The following RASGRF1 variants were observed in gnomAD, a reference collection of about 807,000 sequenced individuals.
RASGRF1 encodes the protein Ras protein specific guanine nucleotide releasing factor 1, also known as ras-specific guanine nucleotide-releasing factor 1.
In RASGRF1, 40 loss-of-function variants were observed where a neutral mutation model predicts 138.7. That is an observed-to-expected ratio of 0.29 (90% CI 0.22 to 0.38). The LOEUF is 0.38. Among genes scored for constraint, RASGRF1 ranks in the 10% least tolerant of loss-of-function variants. RASGRF1 has a pLI of 1.00. For synonymous variants in RASGRF1, 614 were observed against 663.2 expected, an observed-to-expected ratio of 0.93 and a Z score of 1.14; for missense variants, 1,108 against 1,650.4, an observed-to-expected ratio of 0.67 and a Z score of 5.69.
intron 1 of RASGRF1, among the ~76,000 whole-genome samples, chr15:79,078,406 C>A (rs1230339201): frequency 2.6e-5 from 4 of 152,328 alleles, no homozygotes; most frequent in African/African-American, 9.6e-5. Context: ...CCAGCCCTGG[C>A]TGCACGTGCT....
chr15:79,037,042 G>A (rs936126818), intron 5 of RASGRF1, among the ~76,000 whole-genome samples: 3 of 152,122 alleles, frequency 2.0e-5, no homozygotes, highest in African/African-American at 7.2e-5. Context: ...GTCCCTCCAG[G>A]TATAGCAACT....
At chr15:79,030,994 CTCT>C (rs2057127935) in intron 8 of RASGRF1, among the ~76,000 whole-genome samples, 1 of 152,214 alleles carries the variant, frequency 6.6e-6, no homozygotes, top group African/African-American at 2.4e-5. Context: ...CACTACCTGC[CTCT>C]GGTTAACTAG....
At chr15:79,031,938 G>A (rs541368253) in intron 7 of RASGRF1, among the ~76,000 whole-genome samples, 185 bp downstream of exon 7, 5 of 152,226 alleles carry the variant, frequency 3.3e-5, no homozygotes, top group African/African-American at 4.8e-5. Flanking sequence ...GAAAGGTGGC[G>A]TGGACAGGCC....
intron 21 of RASGRF1, among the ~76,000 whole-genome samples, chr15:78,990,597 T>C (rs2056249058): frequency 6.6e-6 from 1 of 150,590 alleles, no homozygotes; most frequent in South Asian, 2.1e-4. Context: ...GGAAATAATT[T>C]GTTATGAATC....
At chr15:79,077,903 A>C (rs1009055798) in intron 1 of RASGRF1, among the ~76,000 whole-genome samples, 1 of 4,738 alleles carries the variant, frequency 2.1e-4, no homozygotes, top group African/African-American at 1.1e-3. Context: ...CTCTGAGAGA[A>C]GGGGTGGGTG....
chr15:79,020,497 C>T (rs1463810575), intron 10 of RASGRF1, among the ~76,000 whole-genome samples: 1 of 152,186 alleles, frequency 6.6e-6, no homozygotes, highest in East Asian at 1.9e-4. Flanking sequence ...TATCAGGTTA[C>T]CCACAGGAAG....
intron 1 of RASGRF1, among the ~76,000 whole-genome samples, chr15:79,088,674 G>C (rs1208292846): frequency 6.6e-6 from 1 of 152,190 alleles, no homozygotes; most frequent in Non-Finnish European, 1.5e-5. Flanking sequence ...GCTGGGGCTT[G>C]GGCTGCAGGC....
intron 1 of RASGRF1, among the ~76,000 whole-genome samples, chr15:79,082,587 C>T (rs767233549): frequency 5.9e-5 from 9 of 152,170 alleles, no homozygotes; most frequent in Non-Finnish European, 1.0e-4. Flanking sequence ...GAGGCCACTG[C>T]GTAAGATGAG....
intron 2 of RASGRF1, among the ~76,000 whole-genome samples, chr15:79,059,061 C>T (rs1289394462): frequency 1.3e-5 from 2 of 152,144 alleles, no homozygotes; most frequent in Admixed American, 1.3e-4. Flanking sequence ...GGCTGCTCTG[C>T]TAACCTCCCT....
At chr15:79,078,986 A>G (rs1305145720) in intron 1 of RASGRF1, among the ~76,000 whole-genome samples, 5 of 152,228 alleles carry the variant, frequency 3.3e-5, no homozygotes, top group Non-Finnish European at 7.3e-5. Context: ...AGATTCAGGA[A>G]GTGACTGCAA....
rs755938292 is a variant in RASGRF1 at position 78,971,934 on chromosome 15, T to C, written c.3613A>G (p.Ile1205Val). Residue 1205 changes from isoleucine (I) to valine (V), a missense_variant and splice_region_variant, in exon 26 of 27, where the codon ATA (isoleucine) becomes GTA (valine). Physicochemically the swap from Ile to Val is conservative, Grantham distance 29 (BLOSUM62 3). Coordinates refer to ENST00000558480, the MANE Select transcript of RASGRF1 (RefSeq NM_001145648.3). ...CGAATCTCTCGGATAATATGGGATA[T>C]CTGTGGGAAGGAAGGAGTGTTTCAG... ...GLVNFSKMRM[I>V]SHIIREIRQF... The C allele has an allele frequency of 4.4e-6, 7 of 1,577,508 alleles. No individual in the cohort carries two copies. Among genetic ancestry groups the C allele is most frequent in the Non-Finnish European group, 6.1e-6 (7 of 1,146,750 alleles).
In RASGRF1 at chr15:79,006,875, G is replaced by C. The variant is rs1391519045; in HGVS notation, c.1827-441C>G. Among the ~76,000 whole-genome samples, 1 of 152,136 alleles carries C rather than the reference G, an allele frequency of 6.6e-6. No individual in the cohort carries two copies. The highest frequency in any genetic ancestry group is 6.5e-5 in the Admixed American group (1 of 15,278). ...AAAAATACAAAAGTTAGCTAGGTGT[G>C]GTGGCCCATACCTGTAATACCAGTT... On this transcript the variant is annotated intron_variant, in intron 13 of 26. Coordinates refer to ENST00000558480, the MANE Select transcript of RASGRF1 (RefSeq NM_001145648.3). The surrounding 1 kb of genome is among the most constrained non-coding windows in gnomAD (Gnocchi z 4.0).
intron 24 of RASGRF1, chr15:78,978,306 C>T: frequency 6.5e-6 from 1 of 154,094 alleles, no homozygotes; most frequent in Non-Finnish European, 1.3e-5. Context: ...CTCGCTGCAA[C>T]TTCTGCCTCC....
intron 10 of RASGRF1, among the ~76,000 whole-genome samples, chr15:79,024,070 C>T (rs909846745): frequency 3.0e-4 from 46 of 151,012 alleles, no homozygotes; most frequent in Middle Eastern, 3.4e-3. Context: ...CATACACACA[C>T]ATATACACAC....
At chr15:79,058,738 C>T (rs757193506) in intron 2 of RASGRF1, among the ~76,000 whole-genome samples, 1 of 152,196 alleles carries the variant, frequency 6.6e-6, no homozygotes, top group African/African-American at 2.4e-5. Flanking sequence ...TTCTTGTTCC[C>T]ACCCACTTTT....
intron 1 of RASGRF1, among the ~76,000 whole-genome samples, chr15:79,065,604 AG>A (rs2057669288): frequency 6.6e-6 from 1 of 151,824 alleles, no homozygotes; most frequent in Non-Finnish European, 1.5e-5. Context: ...TTCGTCGGAG[AG>A]AGAGGGCAGA....
rs1178189618 is a variant in RASGRF1 at position 79,006,264 on chromosome 15, C to T, written c.1997G>A (p.Arg666His). The change falls in exon 14 of 27, where the codon CGC (arginine) becomes CAC (histidine). Residue 666 changes from arginine (R) to histidine (H), a missense_variant. Around this residue, in one of 3 missense-constraint regions of RASGRF1, gnomAD observed 686 missense variants for 976.7 expected, o/e 0.70. Coordinates refer to ENST00000558480, the MANE Select transcript of RASGRF1 (RefSeq NM_001145648.3). The surrounding 1 kb of genome is among the most constrained non-coding windows in gnomAD (Gnocchi z 4.0). ...DFLNTFLHSYRVFTTAIVVLD... is the reference protein window; with the variant it reads ...DFLNTFLHSYHVFTTAIVVLD... Reference sequence around the variant, plus strand: ...GACCACGATGGCGGTGGTGAAGACGCGGTAGGAGTGCAGGAAGGTGTTGAG... The same window carrying T: ...GACCACGATGGCGGTGGTGAAGACGTGGTAGGAGTGCAGGAAGGTGTTGAG... The T allele has an allele frequency of 2.5e-6, 4 of 1,614,126 alleles. No homozygotes were observed. Among genetic ancestry groups the T allele is most frequent in the African/African-American group, 1.3e-5 (1 of 74,994 alleles).
chr15:79,012,045 G>A (rs1294476419), intron 13 of RASGRF1, among the ~76,000 whole-genome samples: 2 of 151,952 alleles, frequency 1.3e-5, no homozygotes, highest in Non-Finnish European at 2.9e-5. Flanking sequence ...TGATACATTA[G>A]ATGCCGTAAT....
intron 10 of RASGRF1, 80 bp downstream of exon 10, chr15:79,025,234 G>T: frequency 1.4e-6 from 2 of 1,447,586 alleles, no homozygotes; most frequent in Non-Finnish European, 9.2e-7. Context: ...CACCACCTGG[G>T]CCCATAGACC....
Sources: allele counts gnomAD v4.1 joint callset (sites outside exome capture counted in the v4.1 genomes callset), GRCh38; gene constraint gnomAD v4.1.1; regional missense constraint gnomAD v4.1.1; non-coding constraint Gnocchi (gnomAD v3.1); transcripts MANE v1.5; gene names NCBI Gene and HGNC (gene_info 2026-07-23, HGNC 2026-07-21).